The following TF variants were observed in gnomAD, a reference collection of about 807,000 sequenced individuals.
TF encodes transferrin, also known as serotransferrin.
Under a neutral mutation model 82.4 loss-of-function variants are expected in TF, and 55 were observed. The observed-to-expected ratio is 0.67, with a 90% CI of 0.54 to 0.84. The LOEUF is 0.84. TF is among the 40% of genes least tolerant of loss of function. The probability of loss-of-function intolerance (pLI) is 0.00; values close to 1 mark genes in which losing one functional copy is unlikely to be tolerated. For missense variants in TF, 737 were observed against 868.4 expected (o/e 0.85, Z 1.90); for synonymous variants, 332 against 332.6 (o/e 1.00, Z 0.02).
At chr3:133,766,166 A>G in intron 11 of TF, 112 bp from the exon 12 acceptor site, 1 of 1,039,752 alleles carries the variant, frequency 9.6e-7, no homozygotes, top group Non-Finnish European at 1.5e-6. Context: ...TCCTCTCAAG[A>G]CACAATGACT....
At position 133,768,784 on chromosome 3, in the gene TF, ATTTT is replaced by A. The variant is rs5852766; in HGVS notation, c.1622+642_1622+645del. ...CATAGAGATACCTGTGTACCTTGCT[ATTTT>A]TTTTTTTTTTTTTTTTTTTTTGGAG... On this transcript the variant is annotated intron_variant, in intron 13 of 16. Transcript: ENST00000402696. Among the ~76,000 whole-genome samples the A allele has an allele frequency of 6.1e-3, 498 of 82,142 alleles. 2 individuals are homozygous for A. Among genetic ancestry groups the A allele is most frequent in the Middle Eastern group, 8.1e-3 (1 of 124 alleles). The allele number at this position is 82,142 out of a possible 152,430, so 53.9% of individuals were successfully genotyped here.
At position 133,764,276 on chromosome 3, in the gene TF, G is replaced by GT; in HGVS notation, c.1297+2dup. 6.2e-7 allele frequency: 1 copy of GT among 1,612,540 alleles called. No individual in the cohort carries two copies. Among genetic ancestry groups the GT allele is most frequent in the Non-Finnish European group, 8.5e-7 (1 of 1,178,580 alleles). ...CCTGTCTTGGCAGAAAACTACAATA[G>GT]TAAGTGGTGGGGAGCACCTCTCTGT... On this transcript the variant is annotated splice_donor_variant, in intron 10 of 16. Transcript: ENST00000402696. LOFTEE classifies it high-confidence loss of function.
At chr3:133,680,528 C>CT in the TF span, among the ~76,000 whole-genome samples, 2 of 111,190 alleles carry the variant, frequency 1.8e-5, no homozygotes, top group African/African-American at 8.5e-5. Flanking sequence ...TATTTCTTTT[C>CT]TTTTCTTTTT....
At chr3:133,770,964 A>G (rs1005394461) in intron 14 of TF, 2 of 269,298 alleles carry the variant, frequency 7.4e-6, no homozygotes, top group Admixed American at 4.8e-5. Context: ...AACTGTTGTC[A>G]GTTATCCCAG....
chr3:133,689,467 A>C, the TF span, among the ~76,000 whole-genome samples: 8 of 152,194 alleles, frequency 5.3e-5, no homozygotes, highest in Non-Finnish European at 1.0e-4. Context: ...ATACCCTCCC[A>C]AAGTTAACTC....
the TF span, chr3:133,699,388 C>G: frequency 1.3e-5 from 12 of 932,198 alleles, no homozygotes; most frequent in Admixed American, 7.7e-5. Context: ...CATGGGTCAT[C>G]CTAACTATGG....
chr3:133,718,864 G>A, the TF span, among the ~76,000 whole-genome samples: 1 of 152,160 alleles, frequency 6.6e-6, no homozygotes, highest in Non-Finnish European at 1.5e-5. Context: ...GTAAGACAAG[G>A]GATCATGCTC....
rs763791023 is a variant in TF, at chr3:133,777,198, T to C, written c.2022T>C (p.Tyr674=). 9.9e-6 allele frequency: 16 copies of C among 1,613,730 alleles called. No homozygotes were observed. The highest frequency in any genetic ancestry group is 1.3e-5 in the Non-Finnish European group (15 of 1,180,018). The part of the protein sequence containing the change: ...NTYEKYLGEE[Y]VKAVGNLRKC... The stretch of plus-strand genomic sequence containing the variant: ...ATGAAAAATACTTAGGAGAAGAATA[T>C]GTCAAGGCTGTTGGTAACCTGAGAA... The change falls in exon 16 of 17, where the codon TAT becomes TAC. Residue 674 remains tyrosine (Y), a synonymous_variant. Coordinates refer to ENST00000402696, the MANE Select transcript of TF (RefSeq NM_001063.4).
At chr3:133,687,432 T>A in the TF span, among the ~76,000 whole-genome samples, 51 of 152,136 alleles carry the variant, frequency 3.4e-4, no homozygotes, top group Non-Finnish European at 7.2e-4. Flanking sequence ...GAGATGAGAT[T>A]CACATAACAC....
Position 133,768,030 on chromosome 3 carries a change from T to A in TF, c.1488T>A (p.Asp496Glu). 6.2e-7 allele frequency: 1 copy of A among 1,614,148 alleles called. No individual in the cohort carries two copies. The highest frequency in any genetic ancestry group is 8.5e-7 in the Non-Finnish European group (1 of 1,179,996). ...ACTTCCTCTTGTCCTTCTGCACAGATGAATTTTTCAGTGAAGGTTGTGCCC... is the reference window on the plus strand; with the variant it reads ...ACTTCCTCTTGTCCTTCTGCACAGAAGAATTTTTCAGTGAAGGTTGTGCCC... ...LYNKINHCRF[D>E]EFFSEGCAPG... Residue 496 changes from aspartate (D) to glutamate (E), a missense_variant and splice_region_variant, in exon 13 of 17, where the codon GAT becomes GAA. Transcript: ENST00000402696.
upstream of TF, among the ~76,000 whole-genome samples, chr3:133,741,592 G>T (rs915847181): frequency 6.6e-6 from 1 of 152,138 alleles, no homozygotes; most frequent in Non-Finnish European, 1.5e-5. Context: ...GACTGAGAAA[G>T]GTTTGTCGAA....
At chr3:133,756,000 A>G (rs1229569548) in intron 5 of TF, among the ~76,000 whole-genome samples, 1 of 152,184 alleles carries the variant, frequency 6.6e-6, no homozygotes, top group African/African-American at 2.4e-5. Context: ...AGGAGACACT[A>G]TACCATTATC....
chr3:133,691,034 T>C, the TF span, among the ~76,000 whole-genome samples: 1 of 151,586 alleles, frequency 6.6e-6, no homozygotes, highest in South Asian at 2.1e-4. Context: ...GAATATATAT[T>C]GTAAAATATT....
At chr3:133,723,704 T>A in the TF span, among the ~76,000 whole-genome samples, 3 of 150,212 alleles carry the variant, frequency 2.0e-5, no homozygotes, top group Non-Finnish European at 4.4e-5. Flanking sequence ...ATGTGCACAA[T>A]CTGCAGGTTA....
the TF span, among the ~76,000 whole-genome samples, chr3:133,677,197 C>G: frequency 1.3e-5 from 2 of 152,194 alleles, no homozygotes; most frequent in Non-Finnish European, 2.9e-5. Flanking sequence ...GCAGCTTTCC[C>G]GTTTCAGGAT....
intron 2 of TF, among the ~76,000 whole-genome samples, chr3:133,748,914 C>T (rs1297692039): frequency 6.6e-6 from 1 of 152,114 alleles, no homozygotes; most frequent in African/African-American, 2.4e-5. Context: ...AATCCTAGCA[C>T]TTTGGGAGGC....
At chr3:133,731,315 A>G in the TF span, among the ~76,000 whole-genome samples, 2 of 152,176 alleles carry the variant, frequency 1.3e-5, no homozygotes, top group Admixed American at 1.3e-4. Context: ...ATCCTTAAAT[A>G]ATGTTGGAAG....
At position 133,789,699 on chromosome 3, in the gene TF, C is replaced by T. The variant is rs1484708303; in HGVS notation, c.*11079C>T. The T allele has an allele frequency of 6.6e-6, 1 of 152,116 alleles. No individual in the cohort carries two copies. Among genetic ancestry groups the T allele is most frequent in the African/African-American group, 2.4e-5 (1 of 41,422 alleles). 9.4% of individuals were successfully genotyped at this position (152,116 alleles called of 1,614,324 possible). ...GTTCACATGACTTAAGTATAACTTT[C>T]CTAAACAGGCTAGTTTTAAAATTAT... is the stretch of plus-strand genomic sequence containing the variant. On this transcript the variant is annotated 3_prime_UTR_variant, in exon 17 of 17. Coordinates refer to ENST00000402696, the MANE Select transcript of TF (RefSeq NM_001063.4).
the TF span, among the ~76,000 whole-genome samples, chr3:133,713,133 T>C: frequency 1.3e-5 from 2 of 152,164 alleles, no homozygotes; most frequent in Non-Finnish European, 2.9e-5. Context: ...GAGCCTTGGT[T>C]TAAAATCACA....
Sources: gnomAD v4.1 joint callset for allele counts (sites outside exome capture counted in the v4.1 genomes callset) on GRCh38, gnomAD v4.1.1 for gene constraint, MANE v1.5 for transcripts, NCBI Gene and HGNC (gene_info 2026-07-23, HGNC 2026-07-21) for gene names.